Variants in UBE3C observed in about 807,000 individuals in gnomAD.
UBE3C encodes the protein ubiquitin-protein ligase E3C.
A neutral mutation model predicts 129.4 loss-of-function variants in UBE3C; 42 were observed. That is an observed-to-expected ratio of 0.32 (90% CI 0.25 to 0.42). UBE3C has a LOEUF of 0.42. Among genes scored for constraint, UBE3C ranks in the 10% least tolerant of loss-of-function variants. UBE3C has a pLI of 1.00. For missense variants in UBE3C, 1,049 were observed against 1,319.1 expected (o/e 0.80, Z 3.17); for synonymous variants, 510 against 492.4 (o/e 1.04, Z -0.47).
intron 22 of UBE3C, among the ~76,000 whole-genome samples, chr7:157,264,921 G>C (rs1449391479): frequency 6.6e-6 from 1 of 152,100 alleles, no homozygotes. Flanking sequence ...CAGTTTTCTA[G>C]GCTACCTTTT....
chr7:157,174,743 TG>T, intron 4 of UBE3C, among the ~76,000 whole-genome samples, 175 bp from the exon 5 acceptor site: 1 of 152,334 alleles, frequency 6.6e-6, no homozygotes, highest in Middle Eastern at 3.4e-3. Flanking sequence ...TGTGCCTGGC[TG>T]GAAAATGCAC....
intron 1 of UBE3C, among the ~76,000 whole-genome samples, chr7:157,154,007 A>G (rs113958387): frequency 2.0e-5 from 3 of 150,698 alleles, no homozygotes; most frequent in Non-Finnish European, 4.4e-5. Context: ...GGGGGGGAAA[A>G]GTTAACTTTT....
chr7:157,172,193 A>G (rs1279019145), intron 4 of UBE3C, among the ~76,000 whole-genome samples: 6 of 151,236 alleles, frequency 4.0e-5, no homozygotes, highest in Non-Finnish European at 1.5e-5. Flanking sequence ...CACCACCCCT[A>G]GCTTAAATTT....
intron 11 of UBE3C, among the ~76,000 whole-genome samples, chr7:157,205,233 A>G (rs1809400585): frequency 6.6e-6 from 1 of 152,162 alleles, no homozygotes; most frequent in Admixed American, 6.5e-5. Flanking sequence ...ATCCTTGCCA[A>G]TCCCAGTTTT....
intron 18 of UBE3C, among the ~76,000 whole-genome samples, chr7:157,243,277 G>T (rs530141373): frequency 2.6e-5 from 4 of 152,302 alleles, no homozygotes; most frequent in African/African-American, 9.6e-5. Context: ...GGAGTGCCAG[G>T]GTCTCAAGGA....
At chr7:157,242,118 A>G (rs1031583324) in intron 18 of UBE3C, among the ~76,000 whole-genome samples, 1 of 152,198 alleles carries the variant, frequency 6.6e-6, no homozygotes, top group Non-Finnish European at 1.5e-5. Context: ...CTTTGAATGT[A>G]AGTTATGTGG....
In UBE3C at chr7:157,248,723, A is replaced by T. The variant is rs1372952585; in HGVS notation, c.2694+143A>T. ...GTGGCTGTGAGTTAGACGTCGAAGC[A>T]TATAGCTCCAAAGCACCTTAGCCCT... On this transcript the variant is annotated intron_variant, in intron 19 of 22. Coordinates refer to ENST00000348165, the MANE Select transcript of UBE3C (RefSeq NM_014671.3). The T allele has an allele frequency of 1.3e-5, 11 of 863,286 alleles. No individual in the cohort carries two copies. In the East Asian group the frequency reaches 2.3e-4, roughly 18 times the overall value. The allele number at this position is 863,286 out of a possible 1,614,324, so 53.5% of individuals were successfully genotyped here.
intron 1 of UBE3C, among the ~76,000 whole-genome samples, chr7:157,160,381 A>G (rs1808038324): frequency 6.6e-6 from 1 of 152,134 alleles, no homozygotes; most frequent in Admixed American, 6.6e-5. Flanking sequence ...GCCACTTTCA[A>G]ATTTAACTTT....
At chr7:157,184,582 C>G (rs568562371) in intron 9 of UBE3C, among the ~76,000 whole-genome samples, 1 of 152,154 alleles carries the variant, frequency 6.6e-6, no homozygotes, top group South Asian at 2.1e-4. Flanking sequence ...TTTTTTTGGT[C>G]TTAAGCAATT....
In UBE3C at chr7:157,260,749, A is replaced by T. The variant is rs182541390; in HGVS notation, c.3081+3705A>T. ...CCTGCTCCCATCAAAACACTGGAAG[A>T]TGCAGAGACTTTTGTCAGCTCCTGG... On this transcript the variant is annotated intron_variant, in intron 22 of 22. Transcript: ENST00000348165. Among the ~76,000 whole-genome samples, 24 of 152,344 alleles carry T rather than the reference A, an allele frequency of 1.6e-4. No individual in the cohort carries two copies. In the East Asian group the frequency reaches 4.6e-3, roughly 29 times the overall value.
chr7:157,186,804 A>T, intron 9 of UBE3C, 30 bp from the exon 10 acceptor site: 1 of 1,611,140 alleles, frequency 6.2e-7, no homozygotes, highest in South Asian at 1.1e-5. Context: ...GAGCACATTT[A>T]TGGAGACTGG....
intron 22 of UBE3C, among the ~76,000 whole-genome samples, chr7:157,266,526 G>C (rs1442843035): frequency 2.0e-5 from 3 of 152,164 alleles, no homozygotes; most frequent in Admixed American, 2.0e-4. Context: ...ATCGATCTCT[G>C]CGTCAGAATT....
intron 19 of UBE3C, 39 bp from the exon 20 acceptor site, chr7:157,253,915 C>G: frequency 2.6e-6 from 4 of 1,519,134 alleles, no homozygotes; most frequent in Non-Finnish European, 3.6e-6. Context: ...TATTATCATA[C>G]TTTGAGGATT....
chr7:157,153,660 G>C (rs1033004142), intron 1 of UBE3C, among the ~76,000 whole-genome samples: 3 of 152,024 alleles, frequency 2.0e-5, no homozygotes, highest in African/African-American at 7.3e-5. Flanking sequence ...AATCTTCCTT[G>C]CTCTAAGAAT....
chr7:157,242,665 T>C (rs1186360197), intron 18 of UBE3C, among the ~76,000 whole-genome samples: 2 of 152,124 alleles, frequency 1.3e-5, no homozygotes, highest in Admixed American at 1.3e-4. Context: ...CATGAAGATG[T>C]TTTTTATCTT....
At chr7:157,151,220 G>A (rs1415521482) in intron 1 of UBE3C, among the ~76,000 whole-genome samples, 2 of 152,244 alleles carry the variant, frequency 1.3e-5, no homozygotes, top group African/African-American at 2.4e-5. Context: ...AGTCGTAAAC[G>A]CTGGCGCTGC....
chr7:157,139,449 T>C lies in UBE3C; in HGVS notation c.66+111T>C, dbSNP rs571712554. On this transcript the variant is annotated intron_variant, in intron 1 of 22. Coordinates refer to ENST00000348165, the MANE Select transcript of UBE3C (RefSeq NM_014671.3). ...TGGACTCGGGGCCGAGACTTGGGGC[T>C]GGATTCGGGGCCTCCCTGGCGGGGA... 4,699 of 485,856 alleles carry C rather than the reference T, an allele frequency of 9.7e-3. 32 individuals carry two copies. The highest frequency in any genetic ancestry group is 0.042 in the South Asian group (863 of 20,790). The allele number at this position is 485,856 out of a possible 1,614,324, so 30.1% of individuals were successfully genotyped here.
chr7:157,220,719 CAT>C lies in UBE3C; in HGVS notation c.1946_1947del (p.His649ArgfsTer30), dbSNP rs1234118514. On this transcript the variant is annotated frameshift_variant, in exon 15 of 23. Coordinates refer to ENST00000348165, the MANE Select transcript of UBE3C (RefSeq NM_014671.3). LOFTEE classifies it high-confidence loss of function. ...VTQLYVPASR[H>X]VWRFRRMGRI... ...TCAGCTCTATGTGCCAGCATCCAGA[CAT>C]GTGTGGAGGTTCCGGCGGATGGGGA... 9 of 1,614,092 alleles carry C rather than the reference CAT, an allele frequency of 5.6e-6. No individual in the cohort carries two copies. The highest frequency in any genetic ancestry group is 2.7e-5 in the African/African-American group (2 of 74,950).
Position 157,202,176 on chromosome 7 carries a change from G to A in UBE3C, c.1418+369G>A, listed in dbSNP as rs187654881. 2.1e-3 allele frequency among the ~76,000 whole-genome samples: 322 copies of A among 152,308 alleles called. 1 individual carries two copies. Among genetic ancestry groups the A allele is most frequent in the Non-Finnish European group, 3.5e-3 (238 of 68,034 alleles). On this transcript the variant is annotated intron_variant, in intron 11 of 22. Coordinates refer to ENST00000348165, the MANE Select transcript of UBE3C (RefSeq NM_014671.3). Reference sequence around the variant, plus strand: ...AGACTGCTGCAAACATTAGAACAGTGTAGAAGTTTTTAAACATTTGTTGAA... The same window carrying A: ...AGACTGCTGCAAACATTAGAACAGTATAGAAGTTTTTAAACATTTGTTGAA...
Sources: gnomAD v4.1 joint callset for allele counts (sites outside exome capture counted in the v4.1 genomes callset) on GRCh38, gnomAD v4.1.1 for gene constraint, MANE v1.5 for transcripts, NCBI Gene and HGNC (gene_info 2026-07-23, HGNC 2026-07-21) for gene names.